SUSD1: variants seen among roughly 807,000 people sequenced by gnomAD.
The protein encoded by SUSD1 is sushi domain-containing protein 1.
SUSD1 carries 65 observed loss-of-function variants against 86.9 expected under a neutral mutation model. The observed-to-expected ratio is 0.75, with a 90% CI of 0.61 to 0.92. The LOEUF (loss-of-function observed/expected upper bound fraction) is 0.92. SUSD1 is among the 40% of genes least tolerant of loss of function. The pLI is 0.00. For missense variants in SUSD1, 850 were observed against 929.7 expected, an observed-to-expected ratio of 0.91 and a Z score of 1.11; for synonymous variants, 346 against 350.0, an observed-to-expected ratio of 0.99 and a Z score of 0.13.
At chr9:112,170,231 C>G (rs777720704) in intron 1 of SUSD1, among the ~76,000 whole-genome samples, 1 of 152,154 alleles carries the variant, frequency 6.6e-6, no homozygotes, top group Non-Finnish European at 1.5e-5. Flanking sequence ...TCCACTCACT[C>G]TATTTCTCTT....
intron 1 of SUSD1, among the ~76,000 whole-genome samples, chr9:112,165,407 C>CTTTTT (rs34075174): frequency 2.4e-4 from 29 of 119,442 alleles, no homozygotes; most frequent in African/African-American, 5.8e-4. Flanking sequence ...GTCTTTGACA[C>CTTTTT]TTTTTTTTTT....
chr9:112,043,461 C>G (rs905322804), intron 15 of SUSD1, among the ~76,000 whole-genome samples: 1 of 152,064 alleles, frequency 6.6e-6, no homozygotes, highest in Admixed American at 6.6e-5. Context: ...ACTCACTGAC[C>G]CCCCCATCCC....
intron 1 of SUSD1, among the ~76,000 whole-genome samples, chr9:112,163,547 A>G (rs1833658959): frequency 6.6e-6 from 1 of 151,186 alleles, no homozygotes; most frequent in Admixed American, 6.6e-5. Flanking sequence ...CTGATGTGGG[A>G]GGATTTTTTG....
chr9:112,143,687 G>A (rs571026130), intron 3 of SUSD1, 64 bp from the exon 4 acceptor site: 192 of 1,493,078 alleles, frequency 1.3e-4, no homozygotes, highest in Middle Eastern at 3.6e-4. Flanking sequence ...AAAAAGGAGA[G>A]GATATTGTGA....
chr9:112,157,040 C>A (rs1833359748), intron 2 of SUSD1, among the ~76,000 whole-genome samples: 1 of 152,116 alleles, frequency 6.6e-6, no homozygotes, highest in Admixed American at 6.6e-5. Context: ...ATCACAACTA[C>A]CAAAAATTTG....
At position 112,052,410 on chromosome 9, in the gene SUSD1, G is replaced by A; in HGVS notation, c.2138C>T (p.Ala713Val). 1 of 1,613,976 alleles carries A rather than the reference G, an allele frequency of 6.2e-7. No individual in the cohort carries two copies. The highest frequency in any genetic ancestry group is 8.5e-7 in the Non-Finnish European group (1 of 1,179,990). Residue 713 changes from alanine (A) to valine (V), a missense_variant, in exon 15 of 17, where the codon GCT becomes GTT. Ala to Val is a moderately conservative substitution (Grantham distance 64, BLOSUM62 0). Transcript: ENST00000374270. ...KVRRHSCAVWAQVKDSSLMLL... is the reference protein window; with the variant it reads ...KVRRHSCAVWVQVKDSSLMLL... ...GAAAATAATTTTACCTTTCACCTGAGCCCAAACTGCACAGGAGTGTCTTCT... is the reference window on the plus strand; with the variant it reads ...GAAAATAATTTTACCTTTCACCTGAACCCAAACTGCACAGGAGTGTCTTCT...
intron 15 of SUSD1, among the ~76,000 whole-genome samples, chr9:112,051,353 T>A (rs1440877772): frequency 6.6e-6 from 1 of 151,826 alleles, no homozygotes; most frequent in Non-Finnish European, 1.5e-5. Flanking sequence ...TAGGGTTCCA[T>A]GTGGGATCAT....
rs144942542 is a variant in SUSD1, at chr9:112,088,443, T to C, written c.1475-8278A>G. Among the ~76,000 whole-genome samples, 213 of 152,342 alleles carry C rather than the reference T, an allele frequency of 1.4e-3. 1 individual carries two copies. Among genetic ancestry groups the C allele is most frequent in the African/African-American group, 4.7e-3 (195 of 41,578 alleles). ...AAATAGAATAAACTAGTTGATTCAA[T>C]AGTTGAATGTCATAAAGGCAATAAA... On this transcript the variant is annotated intron_variant, in intron 10 of 16. Transcript: ENST00000374270.
chr9:112,095,810 C>T (rs1456301833), intron 10 of SUSD1, among the ~76,000 whole-genome samples: 1 of 152,106 alleles, frequency 6.6e-6, no homozygotes, highest in Non-Finnish European at 1.5e-5. Context: ...GAAGAGTTTC[C>T]TAAGATAAAT....
At chr9:112,064,892 A>G (rs1828908584) in intron 12 of SUSD1, among the ~76,000 whole-genome samples, 2 of 151,946 alleles carry the variant, frequency 1.3e-5, no homozygotes, top group South Asian at 2.1e-4. Flanking sequence ...AAAAAAAAAA[A>G]AAGAAGCCTC....
At chr9:112,106,567 G>A (rs1264151061) in intron 8 of SUSD1, among the ~76,000 whole-genome samples, 1 of 151,838 alleles carries the variant, frequency 6.6e-6, no homozygotes, top group Non-Finnish European at 1.5e-5. Context: ...CTGTCAGTAA[G>A]CACTGAAACT....
chr9:112,117,642 T>C (rs1831382788), intron 6 of SUSD1, among the ~76,000 whole-genome samples: 1 of 152,182 alleles, frequency 6.6e-6, no homozygotes, highest in South Asian at 2.1e-4. Flanking sequence ...AACACACTTG[T>C]AACTAAATAC....
chr9:112,161,911 G>C (rs1209755804), intron 1 of SUSD1, among the ~76,000 whole-genome samples: 1 of 151,982 alleles, frequency 6.6e-6, no homozygotes, highest in Non-Finnish European at 1.5e-5. Context: ...TCTGAAGATG[G>C]ATGGTAGCGA....
At chr9:112,062,719 A>AAAAATTTT (rs1035943235) in intron 13 of SUSD1, among the ~76,000 whole-genome samples, 3 of 152,184 alleles carry the variant, frequency 2.0e-5, no homozygotes, top group African/African-American at 7.2e-5. Context: ...ATAAAATTTA[A>AAAAATTTT]ATTTTAAAAA....
intron 5 of SUSD1, among the ~76,000 whole-genome samples, chr9:112,141,532 C>T (rs1832562494): frequency 6.6e-6 from 1 of 151,638 alleles, no homozygotes; most frequent in Non-Finnish European, 1.5e-5. Flanking sequence ...CAAAAATTAG[C>T]CGGGTGTAGT....
intron 12 of SUSD1, among the ~76,000 whole-genome samples, chr9:112,065,965 C>T (rs1425171992): frequency 6.6e-6 from 1 of 152,222 alleles, no homozygotes; most frequent in Non-Finnish European, 1.5e-5. Context: ...AGGAACTTTG[C>T]CTCTGCTGTT....
chr9:112,123,772 C>G (rs1831650251), intron 6 of SUSD1, among the ~76,000 whole-genome samples: 1 of 152,108 alleles, frequency 6.6e-6, no homozygotes, highest in African/African-American at 2.4e-5. Context: ...CGTGCCAGTG[C>G]ACTCCAGCCA....
chr9:112,078,463 T>C (rs753510242), intron 12 of SUSD1, 75 bp downstream of exon 12: 16 of 1,401,780 alleles, frequency 1.1e-5, no homozygotes, highest in East Asian at 4.6e-5. Context: ...AAAGCAACAG[T>C]GTTCCTCTTT....
At chr9:112,067,572 C>T (rs1434664827) in intron 12 of SUSD1, among the ~76,000 whole-genome samples, 1 of 152,168 alleles carries the variant, frequency 6.6e-6, no homozygotes, top group Admixed American at 6.5e-5. Flanking sequence ...GGGAAGTGGT[C>T]CTTATGCATT....
Sources: allele counts gnomAD v4.1 joint callset (sites outside exome capture counted in the v4.1 genomes callset), GRCh38; gene constraint gnomAD v4.1.1; transcripts MANE v1.5; gene names NCBI Gene and HGNC (gene_info 2026-07-23, HGNC 2026-07-21).